Variants in GPBAR1 observed in about 807,000 individuals in gnomAD.
GPBAR1 encodes G protein-coupled bile acid receptor 1.
A neutral mutation model predicts 13.0 loss-of-function variants in GPBAR1; 13 were observed. The observed-to-expected ratio is 1.00, with a 90% CI of 0.65 to 1.59. GPBAR1 has a LOEUF of 1.59. Among genes scored for constraint, GPBAR1 ranks in the 40% most tolerant of loss-of-function variants. GPBAR1 has a pLI of 0.00. For synonymous variants in GPBAR1, 193 were observed against 205.2 expected (o/e 0.94, Z 0.51); for missense variants, 398 against 436.4 (o/e 0.91, Z 0.78).
In GPBAR1 at chr2:218,263,024, T is replaced by G. The variant is rs1331465020; in HGVS notation, c.300T>G (p.Leu100=). The G allele has an allele frequency of 6.2e-7, 1 of 1,613,832 alleles. No individual in the cohort carries two copies. The highest frequency in any genetic ancestry group is 8.5e-7 in the Non-Finnish European group (1 of 1,179,832). Residue 100 remains leucine, a synonymous_variant, in exon 2 of 2, where the codon CTT becomes CTG. Transcript: ENST00000519574. The surrounding 1 kb of genome is among the most constrained non-coding windows in gnomAD (Gnocchi z 4.2). The stretch of plus-strand genomic sequence containing the variant: ...CCAACTTCTCCTTCCTCTCCCTGCT[T>G]GCCAACCTCTTGCTGGTGCACGGGG... ...LAPNFSFLSL[L]ANLLLVHGER... is the part of the protein sequence containing the mutation.
In GPBAR1 at chr2:218,263,799, G is replaced by T; in HGVS notation, c.*82G>T. On this transcript the variant is annotated 3_prime_UTR_variant, in exon 2 of 2. Coordinates refer to ENST00000519574, the MANE Select transcript of GPBAR1 (RefSeq NM_170699.3). The surrounding 1 kb of genome is among the most constrained non-coding windows in gnomAD (Gnocchi z 4.2). ...TGTCTCTACCGGGCCCCACTTCTCT[G>T]GATCAGAGACCCTGCCTCTGTTTGA... 3.3e-6 allele frequency: 5 copies of T among 1,528,652 alleles called. No individual in the cohort carries two copies. Among genetic ancestry groups the T allele is most frequent in the Non-Finnish European group, 4.5e-6 (5 of 1,103,820 alleles). 94.7% of individuals were successfully genotyped at this position (1,528,652 alleles called of 1,614,324 possible). A position where few individuals can be genotyped will look rare whatever the true frequency, so the allele number is the denominator to read the frequency against.
chr2:218,260,787 A>G (rs1224949571), upstream of GPBAR1, among the ~76,000 whole-genome samples: 1 of 152,080 alleles, frequency 6.6e-6, no homozygotes, highest in East Asian at 1.9e-4. Context: ...TGAGGCGGGA[A>G]GTCGGGAGGG....
At position 218,263,796 on chromosome 2, in the gene GPBAR1, T is replaced by C; in HGVS notation, c.*79T>C. 1 of 1,546,434 alleles carries C rather than the reference T, an allele frequency of 6.5e-7. No individual in the cohort carries two copies. The highest frequency in any genetic ancestry group is 8.9e-7 in the Non-Finnish European group (1 of 1,119,820). On this transcript the variant is annotated 3_prime_UTR_variant, in exon 2 of 2. Coordinates refer to ENST00000519574, the MANE Select transcript of GPBAR1 (RefSeq NM_170699.3). The surrounding 1 kb of genome is among the most constrained non-coding windows in gnomAD (Gnocchi z 4.2). ...GCCTGTCTCTACCGGGCCCCACTTC[T>C]CTGGATCAGAGACCCTGCCTCTGTT...
At chr2:218,259,630 C>A (rs1690365753), upstream of GPBAR1, 1 of 152,320 alleles carries the variant, frequency 6.6e-6, no homozygotes, top group Non-Finnish European at 1.5e-5. Context: ...AGTCCCTGAT[C>A]TCCAGGATCC....
upstream of GPBAR1, chr2:218,260,921 C>T (rs1023190446): frequency 3.3e-5 from 5 of 152,200 alleles, no homozygotes; most frequent in African/African-American, 1.2e-4. Flanking sequence ...GGAGGCAGGC[C>T]TCCCAGTTGC....
At position 218,262,978 on chromosome 2, in the gene GPBAR1, GCCT is replaced by G. The variant is rs756760558; in HGVS notation, c.259_261del (p.Leu87del). 12 of 1,613,892 alleles carry G rather than the reference GCCT, an allele frequency of 7.4e-6. No individual in the cohort carries two copies. Among genetic ancestry groups the G allele is most frequent in the Admixed American group, 6.7e-5 (4 of 60,026 alleles). On this transcript the variant is annotated inframe_deletion, in exon 2 of 2. Transcript: ENST00000519574. This position sits in a 1 kb window ranked among gnomAD's most constrained non-coding sequence, Gnocchi z 5.1. ...CAGAGTCGCCGGGGTTACTGGTCCT[GCCT>G]CCTCGTCTACTTGGCTCCCAACTTC...
chr2:218,262,806 A>G lies in GPBAR1; in HGVS notation c.82A>G (p.Ile28Val). The part of the protein sequence containing the change: ...LGLSLALASL[I>V]ITANLLLALG... ...GCTCTCCCTGGCCCTGGCAAGCCTC[A>G]TCATCACCGCGAACCTGCTCCTAGC... The change falls in exon 2 of 2, where the codon ATC becomes GTC. Residue 28 changes from isoleucine to valine, a missense_variant. By Grantham distance (29) the Ile-to-Val change is conservative. Transcript: ENST00000519574. This position sits in a 1 kb window ranked among gnomAD's most constrained non-coding sequence, Gnocchi z 5.1. 6.2e-7 allele frequency: 1 copy of G among 1,613,108 alleles called. No individual in the cohort carries two copies. Among genetic ancestry groups the G allele is most frequent in the Non-Finnish European group, 8.5e-7 (1 of 1,179,550 alleles).
rs544553361 is a variant in GPBAR1 at position 218,261,188 on chromosome 2, G to C, written c.-74G>C. The stretch of plus-strand genomic sequence containing the variant: ...CTGACACTCAGGAAGGCCCAGGCTG[G>C]GCAGGCAATACCTGCTCCCAACAGC... On this transcript the variant is annotated 5_prime_UTR_variant, in exon 1 of 2. Transcript: ENST00000519574. 6.6e-6 allele frequency: 1 copy of C among 152,350 alleles called. No homozygotes were observed. The highest frequency in any genetic ancestry group is 2.4e-5 in the African/African-American group (1 of 41,410). The allele number at this position is 152,350 out of a possible 1,614,324, so 9.4% of individuals were successfully genotyped here. A position where few individuals can be genotyped will look rare whatever the true frequency, so the allele number is the denominator to read the frequency against.
chr2:218,261,093 TC>T lies in GPBAR1; in HGVS notation c.-167del, dbSNP rs1405669235. 1 of 152,324 alleles carries T rather than the reference TC, an allele frequency of 6.6e-6. No homozygotes were observed. The highest frequency in any genetic ancestry group is 1.9e-4 in the East Asian group (1 of 5,180). The allele number at this position is 152,324 out of a possible 1,614,324, so 9.4% of individuals were successfully genotyped here. On this transcript the variant is annotated 5_prime_UTR_variant, in exon 1 of 2. The change abolishes the stop of an existing upstream ORF in the 5' untranslated region. Transcript: ENST00000519574. ...CTGGGTGGAGACACCATGCACTTGG[TC>T]CACTTGTGCTCTTCAGCCAGGACAC...
At chr2:218,260,179 C>T (rs1431349379), upstream of GPBAR1, 2 of 152,206 alleles carry the variant, frequency 1.3e-5, no homozygotes, top group Non-Finnish European at 2.9e-5. Context: ...TTTAGTCTCA[C>T]GATAGGTGAG....
upstream of GPBAR1, among the ~76,000 whole-genome samples, chr2:218,260,791 G>A (rs566843061): frequency 2.0e-5 from 3 of 152,280 alleles, no homozygotes; most frequent in East Asian, 1.9e-4. Flanking sequence ...GCGGGAAGTC[G>A]GGAGGGGTAA....
chr2:218,260,435 G>A (rs60510402), upstream of GPBAR1, among the ~76,000 whole-genome samples: 2,599 of 152,242 alleles, frequency 0.017, 70 homozygotes, highest in African/African-American at 0.059. Flanking sequence ...TCCCCACCAC[G>A]ACCTTAATTA....
At position 218,262,889 on chromosome 2, in the gene GPBAR1, G is replaced by A; in HGVS notation, c.165G>A (p.Leu55=). 6.2e-7 allele frequency: 1 copy of A among 1,613,702 alleles called. No homozygotes were observed. The change falls in exon 2 of 2, where the codon CTG becomes CTA. Residue 55 remains leucine (L), a synonymous_variant. Transcript: ENST00000519574. This position sits in a 1 kb window ranked among gnomAD's most constrained non-coding sequence, Gnocchi z 5.1. ...LRSPPAGCFF[L]SLLLAGLLTG... ...GCCCACCTGCTGGCTGCTTCTTCCT[G>A]AGCCTACTGCTGGCTGGGCTGCTCA...
rs570334700 is a variant in GPBAR1, at chr2:218,263,402, G to A, written c.678G>A (p.Gln226=). ...TTACCTGGAGGCAGGCAAGGGCACAGGCTGGAGCCATGCTGCTCTTCGGGC... is the reference window on the plus strand; with the variant it reads ...TTACCTGGAGGCAGGCAAGGGCACAAGCTGGAGCCATGCTGCTCTTCGGGC... ...RALTWRQARA[Q]AGAMLLFGLC... The change falls in exon 2 of 2, where the codon CAG becomes CAA. Residue 226 remains glutamine, a synonymous_variant. Coordinates refer to ENST00000519574, the MANE Select transcript of GPBAR1 (RefSeq NM_170699.3). The surrounding 1 kb of genome is among the most constrained non-coding windows in gnomAD (Gnocchi z 4.2). 3.1e-6 allele frequency: 5 copies of A among 1,600,458 alleles called. No homozygotes were observed. In the African/African-American group the frequency reaches 6.7e-5, roughly 21 times the overall value.
chr2:218,262,757 C>T lies in GPBAR1; in HGVS notation c.33C>T (p.Ser11=). The T allele has an allele frequency of 1.2e-6, 2 of 1,607,600 alleles. No homozygotes were observed. Among genetic ancestry groups the T allele is most frequent in the Non-Finnish European group, 1.7e-6 (2 of 1,176,634 alleles). The change falls in exon 2 of 2, where the codon AGC becomes AGT. Residue 11 remains serine (S), a synonymous_variant. Coordinates refer to ENST00000519574, the MANE Select transcript of GPBAR1 (RefSeq NM_170699.3). The surrounding 1 kb of genome is among the most constrained non-coding windows in gnomAD (Gnocchi z 5.1). The stretch of plus-strand genomic sequence containing the variant: ...CCAACAGCACTGGCGAGGTGCCCAG[C>T]CCCATTCCCAAGGGGGCTTTGGGGC... MTPNSTGEVP[S]PIPKGALGLS...
chr2:218,260,109 C>T (rs999838046), upstream of GPBAR1: 1 of 152,286 alleles, frequency 6.6e-6, no homozygotes, highest in Non-Finnish European at 1.5e-5. Context: ...GCGATCGCTG[C>T]CTGTCGCGGA....
rs763662195 is a variant in GPBAR1, at chr2:218,262,861, G to A, written c.137G>A (p.Arg46His). ...ALGIAWDRRL[R>H]SPPAGCFFLS... Reference sequence around the variant, plus strand: ...GGCATCGCCTGGGACCGCCGCCTGCGCAGCCCACCTGCTGGCTGCTTCTTC... The same window carrying A: ...GGCATCGCCTGGGACCGCCGCCTGCACAGCCCACCTGCTGGCTGCTTCTTC... Residue 46 changes from arginine to histidine, a missense_variant, in exon 2 of 2, where the codon CGC (arginine) becomes CAC (histidine). Transcript: ENST00000519574. This position sits in a 1 kb window ranked among gnomAD's most constrained non-coding sequence, Gnocchi z 5.1. 2.9e-5 allele frequency: 47 copies of A among 1,613,678 alleles called. No homozygotes were observed. The highest frequency in any genetic ancestry group is 5.5e-5 in the South Asian group (5 of 91,044).
chr2:218,263,142 AGTCTGCCCGCTCTGGG>A lies in GPBAR1; in HGVS notation c.421_436del (p.Leu141GlyfsTer123). ...CTGGGCTGGTCCCCTGCTCTTTGCC[AGTCTGCCCGCTCTGGG>A]GTGGAACCACTGGACCCCTGGTGCC... is the stretch of plus-strand genomic sequence containing the variant. On this transcript the variant is annotated frameshift_variant, in exon 2 of 2. Coordinates refer to ENST00000519574, the MANE Select transcript of GPBAR1 (RefSeq NM_170699.3). LOFTEE classifies it high-confidence loss of function. This position sits in a 1 kb window ranked among gnomAD's most constrained non-coding sequence, Gnocchi z 4.2. 1 of 1,612,056 alleles carries A rather than the reference AGTCTGCCCGCTCTGGG, an allele frequency of 6.2e-7. No homozygotes were observed. Among genetic ancestry groups the A allele is most frequent in the Admixed American group, 1.7e-5 (1 of 60,022 alleles).
In GPBAR1 at chr2:218,263,374, C is replaced by T. The variant is rs749343268; in HGVS notation, c.650C>T (p.Ala217Val). ...CRDEPSALAR[A>V]LTWRQARAQA... ...GATGAGCCCTCCGCCCTGGCCCGGGCCCTTACCTGGAGGCAGGCAAGGGCA... is the reference window on the plus strand; with the variant it reads ...GATGAGCCCTCCGCCCTGGCCCGGGTCCTTACCTGGAGGCAGGCAAGGGCA... The change falls in exon 2 of 2, where the codon GCC becomes GTC. Residue 217 changes from alanine to valine, a missense_variant. Transcript: ENST00000519574. The surrounding 1 kb of genome is among the most constrained non-coding windows in gnomAD (Gnocchi z 4.2). 6.3e-7 allele frequency: 1 copy of T among 1,598,534 alleles called. No homozygotes were observed. The highest frequency in any genetic ancestry group is 8.5e-7 in the Non-Finnish European group (1 of 1,174,440).
Sources: allele counts gnomAD v4.1 joint callset (sites outside exome capture counted in the v4.1 genomes callset), GRCh38; gene constraint gnomAD v4.1.1; non-coding constraint Gnocchi (gnomAD v3.1); transcripts MANE v1.5; gene names NCBI Gene and HGNC (gene_info 2026-07-23, HGNC 2026-07-21).